ANKRD26: variants seen among roughly 807,000 people sequenced by gnomAD.
The protein encoded by ANKRD26 is ankyrin repeat domain-containing protein 26.
ANKRD26 carries 141 observed loss-of-function variants against 208.7 expected under a neutral mutation model. The observed-to-expected ratio is 0.68, with a 90% confidence interval of 0.59 to 0.78. The LOEUF (loss-of-function observed/expected upper bound fraction) is 0.78. ANKRD26 is among the 30% of genes least tolerant of loss of function. The pLI is 0.00. For missense variants in ANKRD26, 1,889 were observed against 1,938.7 expected (o/e 0.97, Z 0.48); for synonymous variants, 636 against 660.4 (o/e 0.96, Z 0.57).
chr10:27,072,516 A>G (rs1015162834), intron 9 of ANKRD26, among the ~76,000 whole-genome samples: 3 of 152,122 alleles, frequency 2.0e-5, no homozygotes, highest in Non-Finnish European at 4.4e-5. Context: ...GCATAACACA[A>G]TGGACAGGGA....
intron 9 of ANKRD26, among the ~76,000 whole-genome samples, chr10:27,071,474 G>A (rs542823770): frequency 2.6e-4 from 39 of 151,724 alleles, no homozygotes; most frequent in African/African-American, 8.2e-4. Flanking sequence ...ACACCCGGCC[G>A]GGACTACATT....
chr10:27,047,698 ATAATACTACTAC>A (rs2054497989), intron 17 of ANKRD26, among the ~76,000 whole-genome samples: 1 of 136,002 alleles, frequency 7.4e-6, no homozygotes, highest in Non-Finnish European at 1.6e-5. Flanking sequence ...AAAAACTGTA[ATAATACTACTAC>A]TACTACTACT....
In ANKRD26 at chr10:27,020,699, C is replaced by T. The variant is rs528127733; in HGVS notation, c.4215+1859G>A. Among the ~76,000 whole-genome samples, 75 of 152,326 alleles carry T rather than the reference C, an allele frequency of 4.9e-4. 2 individuals carry two copies. In the South Asian group the frequency reaches 0.015, roughly 31 times the overall value. On this transcript the variant is annotated intron_variant, in intron 29 of 33. Coordinates refer to ENST00000376087, the MANE Select transcript of ANKRD26 (RefSeq NM_014915.3). ...TTGAGACAGAGTTTCACTCTTGTCA[C>T]CCAGGCTGGAGTGCAATGGTGCAAT... is the stretch of plus-strand genomic sequence containing the variant.
Position 27,093,385 on chromosome 10 carries a change from C to A in ANKRD26, c.495G>T (p.Leu165=). ...YNEDISVATK[L]LLYDANIEAK... is the part of the protein sequence containing the mutation. ...CTTCAATATTTGCATCATACAAAAG[C>A]AGCTTTGTTGCTACTGATATGTCCT... Residue 165 remains leucine (L), a synonymous_variant, in exon 3 of 34, where the codon CTG becomes CTT. Transcript: ENST00000376087. 1 of 1,614,116 alleles carries A rather than the reference C, an allele frequency of 6.2e-7. No homozygotes were observed. Among genetic ancestry groups the A allele is most frequent in the Non-Finnish European group, 8.5e-7 (1 of 1,180,032 alleles).
downstream of ANKRD26, among the ~76,000 whole-genome samples, chr10:26,988,874 C>T (rs1218827711): frequency 3.0e-4 from 29 of 98,214 alleles, no homozygotes; most frequent in African/African-American, 8.3e-4. Flanking sequence ...AGTGAGACCT[C>T]TTCTCAAAAA....
intron 20 of ANKRD26, among the ~76,000 whole-genome samples, chr10:27,042,408 G>A (rs1000702855): frequency 5.3e-5 from 8 of 151,864 alleles, no homozygotes; most frequent in African/African-American, 1.9e-4. Context: ...CTTGAGGTCG[G>A]GAGTTTGAGA....
At chr10:26,986,376 C>G (rs2052387281) in intron 3 of ANKRD26, among the ~76,000 whole-genome samples, 1 of 152,052 alleles carries the variant, frequency 6.6e-6, no homozygotes, top group Non-Finnish European at 1.5e-5. Flanking sequence ...TGGGCAAGGA[C>G]TTCATGTCTA....
downstream of ANKRD26, among the ~76,000 whole-genome samples, chr10:27,003,915 T>C (rs2052784401): frequency 6.6e-6 from 1 of 152,158 alleles, no homozygotes; most frequent in African/African-American, 2.4e-5. Context: ...AAATCCCCCA[T>C]CTTGAATTTT....
At chr10:27,056,217 G>A (rs543410512) in intron 15 of ANKRD26, among the ~76,000 whole-genome samples, 4 of 152,004 alleles carry the variant, frequency 2.6e-5, no homozygotes, top group South Asian at 2.1e-4. Flanking sequence ...TTGCTCTGTC[G>A]CCCAGGTTGG....
chr10:27,050,245 AAAGAAAGAAAG>A (rs1753453343), intron 16 of ANKRD26, among the ~76,000 whole-genome samples: 1 of 128,190 alleles, frequency 7.8e-6, no homozygotes, highest in Non-Finnish European at 1.5e-5. Flanking sequence ...AAAAAAAAAA[AAAGAAAGAAAG>A]AAAGAAAAAG....
chr10:26,999,660 T>C (rs1197584), downstream of ANKRD26, among the ~76,000 whole-genome samples: 151,829 of 152,250 alleles, frequency 1, 75,707 homozygotes, highest in Middle Eastern at 1. Flanking sequence ...CCCAGACACC[T>C]TCACATGATT....
At chr10:27,036,502 G>C (rs183392778) in intron 23 of ANKRD26, among the ~76,000 whole-genome samples, 56 of 152,140 alleles carry the variant, frequency 3.7e-4, no homozygotes, top group African/African-American at 1.3e-3. Context: ...AAAATTTGTA[G>C]AGTTCCTCTT....
At chr10:27,012,555 C>CT (rs2053150560) in intron 32 of ANKRD26, among the ~76,000 whole-genome samples, 1 of 152,122 alleles carries the variant, frequency 6.6e-6, no homozygotes, top group Non-Finnish European at 1.5e-5. Context: ...TGGCTCACAC[C>CT]TGTAACCCCA....
chr10:27,028,978 C>T, intron 26 of ANKRD26, 33 bp from the exon 27 acceptor site: 1 of 1,516,658 alleles, frequency 6.6e-7, no homozygotes, highest in Non-Finnish European at 9.0e-7. Flanking sequence ...ATTATTCTCA[C>T]AGATAAATTT....
At chr10:27,033,547 G>C (rs1207167613) in intron 24 of ANKRD26, among the ~76,000 whole-genome samples, 170 bp from the exon 25 acceptor site, 1 of 151,920 alleles carries the variant, frequency 6.6e-6, no homozygotes, top group Non-Finnish European at 1.5e-5. Context: ...GTTTATTACT[G>C]AATTCAGTTA....
the ANKRD26 span, among the ~76,000 whole-genome samples, chr10:26,951,477 C>A: frequency 6.6e-6 from 1 of 152,098 alleles, no homozygotes; most frequent in African/African-American, 2.4e-5. Context: ...TCTAGCAATT[C>A]TAAAAATATT....
chr10:27,030,604 C>A (rs762916131), intron 25 of ANKRD26: 1 of 984,854 alleles, frequency 1.0e-6, no homozygotes, highest in Non-Finnish European at 1.2e-6. Flanking sequence ...GCTCTGGCTA[C>A]GTAATAAAGA....
At chr10:27,087,551 A>G (rs1400431037) in intron 4 of ANKRD26, among the ~76,000 whole-genome samples, 1 of 152,236 alleles carries the variant, frequency 6.6e-6, no homozygotes, top group Non-Finnish European at 1.5e-5. Flanking sequence ...AGTGAATTTC[A>G]TAATTTGTAA....
Position 27,012,956 on chromosome 10 carries a change from G to A in ANKRD26, c.4879C>T (p.Pro1627Ser), listed in dbSNP as rs572143624. Reference protein sequence around the residue: ...NSLDLNRKLIPRENLVISTSN... With the variant: ...NSLDLNRKLISRENLVISTSN... ...GTAGAGATCACTAAGTTTTCTCTTG[G>A]AATAAGTTTTCTGTTGAGATCTAAA... Residue 1627 changes from proline to serine, a missense_variant, in exon 32 of 34, where the codon CCA (proline) becomes TCA (serine). By Grantham distance (74) the Pro-to-Ser change is moderately conservative. Coordinates refer to ENST00000376087, the MANE Select transcript of ANKRD26 (RefSeq NM_014915.3). 53 of 1,614,074 alleles carry A rather than the reference G, an allele frequency of 3.3e-5. No individual in the cohort carries two copies. In the Admixed American group the frequency reaches 6.2e-4, roughly 19 times the overall value.
Sources: gnomAD v4.1 joint callset for allele counts (sites outside exome capture counted in the v4.1 genomes callset) on GRCh38, gnomAD v4.1.1 for gene constraint, MANE v1.5 for transcripts, NCBI Gene and HGNC (gene_info 2026-07-23, HGNC 2026-07-21) for gene names.